ATXN7L1: variants seen among roughly 807,000 people sequenced by gnomAD.
ATXN7L1 encodes ataxin-7-like protein 1.
ATXN7L1 carries 15 observed loss-of-function variants against 70.8 expected under a neutral mutation model. The ratio of observed to expected loss-of-function variants is 0.21; its 90% CI spans 0.14 to 0.33. The LOEUF (loss-of-function observed/expected upper bound fraction) is 0.33, where lower values mean the gene tolerates loss of function less well. ATXN7L1 is among the 10% of genes least tolerant of loss of function. The pLI is 1.00. For missense variants in ATXN7L1, 975 were observed against 1,097.1 expected (o/e 0.89, Z 1.57); for synonymous variants, 440 against 445.1 (o/e 0.99, Z 0.14).
chr7:105,665,352 CACAT>C, intron 3 of ATXN7L1, 64 bp from the exon 4 acceptor site: 2 of 1,294,278 alleles, frequency 1.5e-6, no homozygotes, highest in South Asian at 1.3e-5. Context: ...CCCACACACT[CACAT>C]ACACTCAAAC....
rs779052878 is a variant in ATXN7L1, at chr7:105,761,138, A to AGTGG, written c.355+27465_355+27466insCCAC. 327 of 1,209,200 alleles carry AGTGG rather than the reference A, an allele frequency of 2.7e-4. 3 individuals are homozygous for AGTGG. Among genetic ancestry groups the AGTGG allele is most frequent in the South Asian group, 1.2e-3 (41 of 33,948 alleles). The allele number at this position is 1,209,200 out of a possible 1,614,324, so 74.9% of individuals were successfully genotyped here. On this transcript the variant is annotated intron_variant, in intron 3 of 11. Coordinates refer to ENST00000419735, the MANE Select transcript of ATXN7L1 (RefSeq NM_020725.2). ...TCCAGGTGGGAATTGATGGCAGCTT[A>AGTGG]GACCAGCTTTGTGGTGGTGAAAATG...
intron 3 of ATXN7L1, among the ~76,000 whole-genome samples, chr7:105,772,834 T>C (rs1802199443): frequency 6.6e-6 from 1 of 152,188 alleles, no homozygotes; most frequent in African/African-American, 2.4e-5. Context: ...ATACATGATC[T>C]AAATTACAAA....
At chr7:105,751,265 A>G (rs1448513184) in intron 3 of ATXN7L1, among the ~76,000 whole-genome samples, 2 of 152,140 alleles carry the variant, frequency 1.3e-5, no homozygotes, top group Non-Finnish European at 2.9e-5. Flanking sequence ...GGAGTTATGC[A>G]TATAGGAAAA....
chr7:105,810,991 T>C (rs1374220582), intron 2 of ATXN7L1, among the ~76,000 whole-genome samples: 2 of 152,066 alleles, frequency 1.3e-5, no homozygotes, highest in Non-Finnish European at 1.5e-5. Flanking sequence ...CCAAAGCAAC[T>C]GGAAGAATGA....
At chr7:105,731,029 C>T (rs955924069) in intron 3 of ATXN7L1, among the ~76,000 whole-genome samples, 1 of 152,170 alleles carries the variant, frequency 6.6e-6, no homozygotes, top group African/African-American at 2.4e-5. Flanking sequence ...AAATCTGCAA[C>T]TTTCTGAGTG....
At chr7:105,757,131 G>A (rs10245431) in intron 3 of ATXN7L1, among the ~76,000 whole-genome samples, 39,689 of 152,030 alleles carry the variant, frequency 0.26, 6,638 homozygotes, top group Non-Finnish European at 0.38. Context: ...AATTAGGCGA[G>A]GGCCTAAATG....
At chr7:105,766,738 T>C (rs1801307305) in intron 3 of ATXN7L1, among the ~76,000 whole-genome samples, 1 of 152,240 alleles carries the variant, frequency 6.6e-6, no homozygotes, top group Non-Finnish European at 1.5e-5. Context: ...CTCATTTATC[T>C]ACCTGTGACA....
At chr7:105,864,006 T>G (rs2116661253) in intron 2 of ATXN7L1, among the ~76,000 whole-genome samples, 1 of 152,250 alleles carries the variant, frequency 6.6e-6, no homozygotes, top group South Asian at 2.1e-4. Context: ...ATCTATAGAA[T>G]CAGAATCTCT....
intron 2 of ATXN7L1, among the ~76,000 whole-genome samples, chr7:105,816,397 C>A (rs530182293): frequency 3.9e-5 from 6 of 152,194 alleles, no homozygotes; most frequent in African/African-American, 1.4e-4. Flanking sequence ...TAGACACTAG[C>A]TTTTAATAGG....
At chr7:105,847,061 T>C (rs1190506121) in intron 2 of ATXN7L1, among the ~76,000 whole-genome samples, 1 of 152,248 alleles carries the variant, frequency 6.6e-6, no homozygotes, top group Non-Finnish European at 1.5e-5. Flanking sequence ...CTTGTGAATA[T>C]ATTAATACCA....
intron 3 of ATXN7L1, among the ~76,000 whole-genome samples, chr7:105,690,646 C>T (rs936884687): frequency 5.9e-5 from 9 of 152,122 alleles, no homozygotes; most frequent in Admixed American, 3.9e-4. Context: ...AAGGTTCTCC[C>T]GGACCATTAG....
chr7:105,634,527 TC>T (rs1210533072), intron 7 of ATXN7L1, among the ~76,000 whole-genome samples: 1 of 152,158 alleles, frequency 6.6e-6, no homozygotes, highest in African/African-American at 2.4e-5. Flanking sequence ...AATTTTTTTT[TC>T]CCTTTTGGTG....
At chr7:105,639,615 A>C in intron 5 of ATXN7L1, 46 bp from the exon 6 acceptor site, 1 of 1,391,232 alleles carries the variant, frequency 7.2e-7, no homozygotes, top group Non-Finnish European at 9.9e-7. Flanking sequence ...AGGAGACTAA[A>C]TAGGATTTGG....
chr7:105,610,769 T>C (rs888893223), intron 10 of ATXN7L1, among the ~76,000 whole-genome samples, 166 bp from the exon 11 acceptor site: 5 of 152,046 alleles, frequency 3.3e-5, no homozygotes, highest in African/African-American at 1.2e-4. Flanking sequence ...AAAATGAAAA[T>C]GTTGCAGAGG....
intron 2 of ATXN7L1, among the ~76,000 whole-genome samples, chr7:105,804,618 G>A (rs1807295550): frequency 6.6e-6 from 1 of 152,284 alleles, no homozygotes; most frequent in South Asian, 2.1e-4. Flanking sequence ...CCCTTAAGGA[G>A]AAGATTTATT....
rs115895646 is a variant in ATXN7L1 at position 105,623,209 on chromosome 7, T to C, written c.1395+866A>G. Among the ~76,000 whole-genome samples, 1,119 of 152,264 alleles carry C rather than the reference T, an allele frequency of 7.3e-3. 14 individuals are homozygous for C. Among genetic ancestry groups the C allele is most frequent in the African/African-American group, 0.026 (1,073 of 41,538 alleles). ...TGGATAGGAGGGAAGAGGGATTCACTCGATCTTGATGCGGGACCAGGATGG... is the reference window on the plus strand; with the variant it reads ...TGGATAGGAGGGAAGAGGGATTCACCCGATCTTGATGCGGGACCAGGATGG... On this transcript the variant is annotated intron_variant, in intron 8 of 11. Coordinates refer to ENST00000419735, the MANE Select transcript of ATXN7L1 (RefSeq NM_020725.2).
intron 3 of ATXN7L1, among the ~76,000 whole-genome samples, chr7:105,753,674 C>T (rs1799461414): frequency 6.6e-6 from 1 of 152,198 alleles, no homozygotes; most frequent in Admixed American, 6.5e-5. Context: ...ACCCATTCTA[C>T]ACTCTGGAAA....
chr7:105,839,276 C>A (rs1028455053), intron 2 of ATXN7L1, among the ~76,000 whole-genome samples: 3 of 150,534 alleles, frequency 2.0e-5, no homozygotes, highest in African/African-American at 7.3e-5. Context: ...AAATGAAAAT[C>A]AAAACTTGAA....
In ATXN7L1 at chr7:105,614,707, G is replaced by C. The variant is rs1793601730; in HGVS notation, c.1627C>G (p.Leu543Val). The C allele has an allele frequency of 6.4e-7, 1 of 1,551,644 alleles. No homozygotes were observed. The highest frequency in any genetic ancestry group is 1.2e-5 in the South Asian group (1 of 84,070). The change falls in exon 10 of 12, where the codon CTT (leucine) becomes GTT (valine). Residue 543 changes from leucine (L) to valine (V), a missense_variant. Physicochemically the swap from Leu to Val is conservative, Grantham distance 32. Coordinates refer to ENST00000419735, the MANE Select transcript of ATXN7L1 (RefSeq NM_020725.2). This position sits in a 1 kb window ranked among gnomAD's most constrained non-coding sequence, Gnocchi z 4.3. ...CTCGAGCTGATGGGAGCTGAAGGAA[G>C]ATACACAGCACTGGGGTTGCTGAAA... ...QPFSNPSAVYLPSAPISSRLT... is the reference protein window; with the variant it reads ...QPFSNPSAVYVPSAPISSRLT...
Sources: gnomAD v4.1 joint callset for allele counts (sites outside exome capture counted in the v4.1 genomes callset) on GRCh38, gnomAD v4.1.1 for gene constraint, Gnocchi (gnomAD v3.1) non-coding constraint, MANE v1.5 for transcripts, NCBI Gene and HGNC (gene_info 2026-07-23, HGNC 2026-07-21) for gene names.